EPHA6: variants seen among roughly 807,000 people sequenced by gnomAD.
The protein encoded by EPHA6 is EPH receptor A6.
In EPHA6, 50 loss-of-function variants were observed where a neutral mutation model predicts 112.0. The ratio of observed to expected loss-of-function variants is 0.45; its 90% CI spans 0.36 to 0.56. The LOEUF is 0.56. Ranked by LOEUF, EPHA6 falls within the 20% of genes least tolerant of loss-of-function variation. The pLI is 0.00. For missense variants in EPHA6, 1,280 were observed against 1,417.4 expected, an observed-to-expected ratio of 0.90 and a Z score of 1.56; for synonymous variants, 529 against 490.7, an observed-to-expected ratio of 1.08 and a Z score of -1.03.
intron 2 of EPHA6, among the ~76,000 whole-genome samples, chr3:96,941,163 A>G (rs1361742066): frequency 6.6e-6 from 1 of 152,058 alleles, no homozygotes; most frequent in Non-Finnish European, 1.5e-5. Flanking sequence ...TATATTTGGG[A>G]AGTTCTCCTG....
Position 97,596,234 on chromosome 3 carries a change from C to T in EPHA6, c.2512+3497C>T, listed in dbSNP as rs532474528. 3.5e-3 allele frequency among the ~76,000 whole-genome samples: 538 copies of T among 152,244 alleles called. 8 individuals carry two copies. In the South Asian group the frequency reaches 0.051, roughly 14 times the overall value. Reference sequence around the variant, plus strand: ...CAGACATAGTCTCTAAAATAATAAGCTTGCTCTCTTTGCTCCATGTAGTTA... The same window carrying T: ...CAGACATAGTCTCTAAAATAATAAGTTTGCTCTCTTTGCTCCATGTAGTTA... On this transcript the variant is annotated intron_variant, in intron 12 of 17. Coordinates refer to ENST00000389672, the MANE Select transcript of EPHA6 (RefSeq NM_001080448.3).
intron 2 of EPHA6, among the ~76,000 whole-genome samples, chr3:96,956,533 A>G (rs1404602451): frequency 6.6e-6 from 1 of 152,188 alleles, no homozygotes; most frequent in Non-Finnish European, 1.5e-5. Context: ...GAATAAAAAG[A>G]CGATATGTGA....
chr3:96,915,173 TA>T (rs534120971), intron 2 of EPHA6, among the ~76,000 whole-genome samples: 22 of 151,896 alleles, frequency 1.4e-4, no homozygotes, highest in Non-Finnish European at 2.5e-4. Context: ...AAAGTTAAAG[TA>T]AATGGCAAAG....
chr3:97,686,758 GT>G (rs1281736465), intron 14 of EPHA6, among the ~76,000 whole-genome samples: 1 of 152,164 alleles, frequency 6.6e-6, no homozygotes, highest in Non-Finnish European at 1.5e-5. Context: ...GACTTCAAGT[GT>G]TTTTGCTGAA....
chr3:97,177,921 GT>G (rs1266030904), intron 3 of EPHA6, among the ~76,000 whole-genome samples: 11 of 152,048 alleles, frequency 7.2e-5, no homozygotes, highest in Admixed American at 7.2e-4. Context: ...TGCATCTTTT[GT>G]TTGGAGAGTT....
chr3:97,548,880 G>A (rs1211783571), intron 11 of EPHA6, among the ~76,000 whole-genome samples: 2 of 152,122 alleles, frequency 1.3e-5, no homozygotes, highest in Non-Finnish European at 2.9e-5. Context: ...TTATGTCAAT[G>A]GTGGATTGCA....
chr3:97,017,765 T>C (rs1157988457), intron 3 of EPHA6, among the ~76,000 whole-genome samples: 1 of 152,190 alleles, frequency 6.6e-6, no homozygotes, highest in African/African-American at 2.4e-5. Context: ...CTTTAGGTGG[T>C]TGTCTTTGGG....
chr3:97,640,504 G>A (rs183699913), intron 14 of EPHA6, among the ~76,000 whole-genome samples: 38 of 152,096 alleles, frequency 2.5e-4, no homozygotes, highest in South Asian at 4.2e-4. Flanking sequence ...GGTGGCTCGC[G>A]CCTGTTATCC....
chr3:97,151,843 T>C (rs1276919539), intron 3 of EPHA6, among the ~76,000 whole-genome samples: 2 of 152,008 alleles, frequency 1.3e-5, no homozygotes, highest in Admixed American at 6.6e-5. Context: ...CTGGTAATAA[T>C]ATATGATTAT....
intron 11 of EPHA6, among the ~76,000 whole-genome samples, chr3:97,552,937 A>G (rs1421138414): frequency 1.3e-5 from 2 of 152,142 alleles, no homozygotes; most frequent in East Asian, 1.9e-4. Flanking sequence ...ATACAATTAC[A>G]TGAACTGATT....
At chr3:96,953,349 G>A (rs572155351) in intron 2 of EPHA6, among the ~76,000 whole-genome samples, 1 of 152,034 alleles carries the variant, frequency 6.6e-6, no homozygotes, top group African/African-American at 2.4e-5. Context: ...TGCCAGAATT[G>A]TATTTGTTTC....
intron 5 of EPHA6, among the ~76,000 whole-genome samples, chr3:97,364,779 A>G (rs1438999150): frequency 1.3e-5 from 2 of 152,146 alleles, no homozygotes; most frequent in Non-Finnish European, 2.9e-5. Context: ...TACATTTTTA[A>G]AACTTACTGA....
At chr3:97,411,880 AG>A (rs1215097151) in intron 6 of EPHA6, among the ~76,000 whole-genome samples, 1 of 152,058 alleles carries the variant, frequency 6.6e-6, no homozygotes, top group African/African-American at 2.4e-5. Context: ...TAATAAACTC[AG>A]GGGGAGTCGC....
intron 7 of EPHA6, 43 bp from the exon 8 acceptor site, chr3:97,475,309 A>G (rs2107460791): frequency 7.0e-7 from 1 of 1,431,840 alleles, no homozygotes; most frequent in East Asian, 2.3e-5. Context: ...TTTAATAGTG[A>G]AATGTCACCC....
intron 11 of EPHA6, among the ~76,000 whole-genome samples, chr3:97,573,233 T>C (rs1378164699): frequency 6.6e-6 from 1 of 152,210 alleles, no homozygotes; most frequent in Admixed American, 6.5e-5. Flanking sequence ...AATGAGTTTC[T>C]CAATCTGCTT....
At chr3:96,918,729 T>C (rs1559830562) in intron 2 of EPHA6, among the ~76,000 whole-genome samples, 1 of 152,076 alleles carries the variant, frequency 6.6e-6, no homozygotes, top group Non-Finnish European at 1.5e-5. Flanking sequence ...TATAACTATT[T>C]TTTTTAAATG....
At chr3:97,595,369 C>T (rs140291877) in intron 12 of EPHA6, among the ~76,000 whole-genome samples, 1 of 152,210 alleles carries the variant, frequency 6.6e-6, no homozygotes, top group Non-Finnish European at 1.5e-5. Flanking sequence ...GAAGGCCAGG[C>T]GCGGTGGCTC....
intron 6 of EPHA6, among the ~76,000 whole-genome samples, chr3:97,412,561 C>T (rs1011772914): frequency 6.6e-6 from 1 of 151,758 alleles, no homozygotes; most frequent in Non-Finnish European, 1.5e-5. Flanking sequence ...CTTTGCTATA[C>T]AAGGTGATAG....
intron 2 of EPHA6, among the ~76,000 whole-genome samples, chr3:96,953,009 TA>T (rs1160172790): frequency 6.6e-6 from 1 of 152,054 alleles, no homozygotes; most frequent in Non-Finnish European, 1.5e-5. Context: ...CCCCTAAATT[TA>T]AAGTAAAAGT....
Sources: gnomAD v4.1 joint callset for allele counts (sites outside exome capture counted in the v4.1 genomes callset) on GRCh38, gnomAD v4.1.1 for gene constraint, MANE v1.5 for transcripts, NCBI Gene and HGNC (gene_info 2026-07-23, HGNC 2026-07-21) for gene names.